The following MAP7D2 variants were observed in gnomAD, a reference collection of about 807,000 sequenced individuals.
MAP7D2 encodes MAP7 domain containing 2.
MAP7D2 carries 33 observed loss-of-function variants against 63.5 expected under a neutral mutation model. That is an observed-to-expected ratio of 0.52 (90% CI 0.39 to 0.70). The LOEUF is 0.70. Ranked by LOEUF, MAP7D2 falls within the 30% of genes least tolerant of loss-of-function variation. The pLI, the probability that MAP7D2 is intolerant of heterozygous loss-of-function variation, is 0.00. For missense variants in MAP7D2, 626 were observed against 604.0 expected (o/e 1.04, Z -0.38); for synonymous variants, 224 against 223.7 (o/e 1.00, Z -0.01).
chrX:20,103,524 T>C (rs57330560), intron 1 of MAP7D2, among the ~76,000 whole-genome samples: 30 of 111,961 alleles, frequency 2.7e-4, no homozygotes, highest in Middle Eastern at 4.6e-3. Flanking sequence ...TCAAAGCCTG[T>C]ACAGGAGAAA....
chrX:20,021,025 T>C (rs902955722), intron 10 of MAP7D2, among the ~76,000 whole-genome samples: 1 of 112,069 alleles, frequency 8.9e-6, no homozygotes, highest in Admixed American at 9.4e-5. Flanking sequence ...GTAGCTATTT[T>C]AGCTTTTTAA....
chrX:20,104,137 T>C (rs771821316), intron 1 of MAP7D2, among the ~76,000 whole-genome samples: 22 of 111,866 alleles, frequency 2.0e-4, no homozygotes, highest in Non-Finnish European at 3.6e-4. Flanking sequence ...TGGAGCTCAA[T>C]GGACTATTAA....
At chrX:20,062,746 A>G (rs114819481) in intron 3 of MAP7D2, among the ~76,000 whole-genome samples, 2,967 of 112,465 alleles carry the variant, frequency 0.026, 109 homozygotes, top group African/African-American at 0.092. Context: ...TATATTTTCA[A>G]AATTTAGTAA....
At chrX:20,100,858 C>G (rs969159259) in intron 1 of MAP7D2, among the ~76,000 whole-genome samples, 1 of 110,428 alleles carries the variant, frequency 9.1e-6, no homozygotes, top group Non-Finnish European at 1.9e-5. Context: ...CCTGTCTCTA[C>G]TAAAAATATA....
chrX:20,060,350 G>A (rs2065177235), intron 3 of MAP7D2, among the ~76,000 whole-genome samples: 1 of 107,470 alleles, frequency 9.3e-6, no homozygotes. Flanking sequence ...TGACACTGCA[G>A]GGACACACCC....
rs17523345 is a variant in MAP7D2 at position 20,116,862 on chromosome X, G to A, written c.18C>T (p.Gly6=). The change falls in exon 1 of 17, where the codon GGC becomes GGT. Residue 6 remains glycine, a synonymous_variant. Coordinates refer to ENST00000379643, the MANE Select transcript of MAP7D2 (RefSeq NM_001168465.2). The stretch of plus-strand genomic sequence containing the variant: ...CAGGCCGGGATCCCGTCCCGGAGCC[G>A]CCGCCGCCGCGCTCCATCGGGATGC... MERGG[G]GSGTGSRPEG... The A allele has an allele frequency of 0.23, 267,999 of 1,140,423 alleles. 29,155 individuals are homozygous for A. Among genetic ancestry groups the A allele is most frequent in the African/African-American group, 0.78 (42,192 of 53,763 alleles). 94.0% of individuals were successfully genotyped at this position (1,140,423 alleles called of 1,213,427 possible).
intron 1 of MAP7D2, among the ~76,000 whole-genome samples, chrX:20,091,747 G>A (rs1052141643): frequency 4.5e-5 from 5 of 111,403 alleles, no homozygotes; most frequent in Non-Finnish European, 7.5e-5. Context: ...CCAGCAATAC[G>A]GAGATGTAAT....
chrX:20,081,803 C>A (rs1043710136), intron 1 of MAP7D2, among the ~76,000 whole-genome samples: 5 of 111,160 alleles, frequency 4.5e-5, no homozygotes, highest in African/African-American at 1.3e-4. Flanking sequence ...CAGGTGTGCA[C>A]CACCACGCTC....
intron 3 of MAP7D2, among the ~76,000 whole-genome samples, chrX:20,057,010 C>T (rs760807937): frequency 1.6e-4 from 18 of 112,196 alleles, no homozygotes; most frequent in South Asian, 7.4e-4. Flanking sequence ...ACCTAAACAC[C>T]GTGTGTCCTG....
chrX:20,043,022 T>A lies in MAP7D2; in HGVS notation c.880-393A>T, dbSNP rs765598341. 2.9e-3 allele frequency among the ~76,000 whole-genome samples: 322 copies of A among 111,781 alleles called. 3 individuals are homozygous for A. The highest frequency in any genetic ancestry group is 5.2e-3 in the Non-Finnish European group (275 of 53,115). ...CTGTGGCCCCTGATGGTATACATGGTATAATGGGTCTGCAACCCCATCTAG... is the reference window on the plus strand; with the variant it reads ...CTGTGGCCCCTGATGGTATACATGGAATAATGGGTCTGCAACCCCATCTAG... On this transcript the variant is annotated intron_variant, in intron 7 of 16. Transcript: ENST00000379643.
intron 10 of MAP7D2, 55 bp from the exon 11 acceptor site, chrX:20,016,380 A>G: frequency 1.9e-6 from 2 of 1,059,754 alleles, no homozygotes; most frequent in Non-Finnish European, 2.6e-6. Context: ...GCAAACTGCC[A>G]GAGAACTGTG....
intron 2 of MAP7D2, 91 bp downstream of exon 2, chrX:20,064,637 C>T (rs964473179): frequency 3.6e-5 from 26 of 715,837 alleles, no homozygotes; most frequent in Middle Eastern, 5.8e-4. Flanking sequence ...GTCCTAGTTC[C>T]CATTCATTCA....
chrX:20,063,506 G>T lies in MAP7D2; in HGVS notation c.280C>A (p.Arg94=), dbSNP rs1360131900. 1 of 1,211,733 alleles carries T rather than the reference G, an allele frequency of 8.3e-7. No homozygotes were observed. Among genetic ancestry groups the T allele is most frequent in the East Asian group, 3.0e-5 (1 of 33,836 alleles). Residue 94 remains arginine, a synonymous_variant, in exon 3 of 17, where the codon CGA becomes AGA. Transcript: ENST00000379643. ...RLQYEKQMEE[R]WRKLEEQRQR... ...CGCTGCTCTTCCAGTTTTCGCCATC[G>T]CTCCTCCATTTGCTTTTCGTACTGC...
At chrX:20,101,179 A>G (rs1321253022) in intron 1 of MAP7D2, among the ~76,000 whole-genome samples, 2 of 112,203 alleles carry the variant, frequency 1.8e-5, no homozygotes, top group African/African-American at 6.5e-5. Context: ...TTAAGCCACT[A>G]AAGTTTGTGA....
chrX:20,055,675 G>A (rs1215322373), intron 4 of MAP7D2: 1 of 660,342 alleles, frequency 1.5e-6, no homozygotes, highest in Non-Finnish European at 2.1e-6. Context: ...ATGGTGATGG[G>A]GGAGGATGAT....
rs376778985 is a variant in MAP7D2, at chrX:20,044,561, A to C, written c.719-37T>G. 6.9e-6 allele frequency: 8 copies of C among 1,153,127 alleles called. No homozygotes were observed. The African/African-American group carries it at 1.4e-4, about 21-fold the overall frequency. On this transcript the variant is annotated intron_variant, in intron 6 of 16. Coordinates refer to ENST00000379643, the MANE Select transcript of MAP7D2 (RefSeq NM_001168465.2). ...CAGTATAACAGCCAGAAGGACAGAG[A>C]GTACAGATGGAAAAAGTAGAGCAGA...
intron 1 of MAP7D2, among the ~76,000 whole-genome samples, chrX:20,083,134 A>C (rs1390757479): frequency 8.9e-6 from 1 of 112,546 alleles, no homozygotes; most frequent in Non-Finnish European, 1.9e-5. Context: ...CATGAATCTT[A>C]AAGTTCAATT....
chrX:20,067,329 CTGCT>C (rs1460828372), intron 1 of MAP7D2, among the ~76,000 whole-genome samples: 1 of 112,389 alleles, frequency 8.9e-6, no homozygotes, highest in Non-Finnish European at 1.9e-5. Flanking sequence ...TTTACAGAGG[CTGCT>C]TGTTCCACAG....
At chrX:20,059,211 C>A (rs190228625) in intron 3 of MAP7D2, among the ~76,000 whole-genome samples, 12 of 112,194 alleles carry the variant, frequency 1.1e-4, no homozygotes, top group African/African-American at 3.6e-4. Context: ...GTTCTCAAAT[C>A]TGAGAGATCA....
Sources: gnomAD v4.1 joint callset for allele counts (sites outside exome capture counted in the v4.1 genomes callset) on GRCh38, gnomAD v4.1.1 for gene constraint, MANE v1.5 for transcripts, NCBI Gene and HGNC (gene_info 2026-07-23, HGNC 2026-07-21) for gene names.